RIOK2: variants seen among roughly 807,000 people sequenced by gnomAD.
The protein encoded by RIOK2 is serine/threonine-protein kinase RIO2.
In RIOK2, 46 loss-of-function variants were observed where a neutral mutation model predicts 62.4. The ratio of observed to expected loss-of-function variants is 0.74; its 90% confidence interval spans 0.58 to 0.94. The LOEUF (loss-of-function observed/expected upper bound fraction) is 0.94, where lower values mean the gene tolerates loss of function less well. Ranked by LOEUF, RIOK2 falls within the 40% of genes least tolerant of loss-of-function variation. The pLI is 0.00. For missense variants in RIOK2, 574 were observed against 658.0 expected (o/e 0.87, Z 1.40); for synonymous variants, 197 against 216.0 (o/e 0.91, Z 0.77).
intron 9 of RIOK2, among the ~76,000 whole-genome samples, chr5:97,164,192 A>G (rs1022799512): frequency 6.6e-6 from 1 of 151,848 alleles, no homozygotes; most frequent in Non-Finnish European, 1.5e-5. Context: ...TGCCCGGCCA[A>G]ATTTGTACTT....
chr5:97,163,228 G>T lies in RIOK2; in HGVS notation c.1495-3C>A. Reference sequence around the variant, plus strand: ...TTCACCTTCTGTTTCACCAGTTCCTGGAAAGATTTCATAAATTAGTATTAC... The same window carrying T: ...TTCACCTTCTGTTTCACCAGTTCCTTGAAAGATTTCATAAATTAGTATTAC... On this transcript the variant is annotated splice_region_variant and splice_polypyrimidine_tract_variant and intron_variant, in intron 9 of 9. Transcript: ENST00000283109. 1 of 1,611,714 alleles carries T rather than the reference G, an allele frequency of 6.2e-7. No homozygotes were observed. The highest frequency in any genetic ancestry group is 8.5e-7 in the Non-Finnish European group (1 of 1,179,092).
intron 9 of RIOK2, among the ~76,000 whole-genome samples, chr5:97,163,581 TA>T (rs1305794183): frequency 1.3e-5 from 2 of 152,216 alleles, no homozygotes; most frequent in African/African-American, 4.8e-5. Context: ...AAGCATTCAG[TA>T]TTGCTGAATA....
intron 5 of RIOK2, 43 bp from the exon 6 acceptor site, chr5:97,171,440 T>G: frequency 7.2e-7 from 1 of 1,394,178 alleles, no homozygotes; most frequent in Non-Finnish European, 9.5e-7. Context: ...TTGTGTTCAT[T>G]TACGGTTTTA....
intron 1 of RIOK2, among the ~76,000 whole-genome samples, chr5:97,180,128 A>G (rs2548409): frequency 0.45 from 24,566 of 54,048 alleles, 4,002 homozygotes; most frequent in Middle Eastern, 0.58. Flanking sequence ...GTGTATATGT[A>G]TATATATATA....
intron 8 of RIOK2, among the ~76,000 whole-genome samples, chr5:97,165,834 A>G (rs1235962526): frequency 2.0e-5 from 3 of 152,274 alleles, no homozygotes; most frequent in East Asian, 3.9e-4. Context: ...GGTTAATTTT[A>G]TATGTTAACT....
At chr5:97,167,402 A>C in intron 8 of RIOK2, 65 bp downstream of exon 8, 6 of 1,548,602 alleles carry the variant, frequency 3.9e-6, no homozygotes, top group Non-Finnish European at 5.2e-6. Context: ...ACATTCTTTT[A>C]CTAGAATCTA....
At chr5:97,177,962 A>C (rs1749216866) in intron 2 of RIOK2, 114 bp from the exon 3 acceptor site, 1 of 668,636 alleles carries the variant, frequency 1.5e-6, no homozygotes. Flanking sequence ...GAAAAAGATA[A>C]ACTGCCCAGG....
At position 97,162,213 on chromosome 5, in the gene RIOK2, T is replaced by C. The variant is rs1748722361; in HGVS notation, c.*848A>G. 1 of 152,150 alleles carries C rather than the reference T, an allele frequency of 6.6e-6. No homozygotes were observed. Among genetic ancestry groups the C allele is most frequent in the South Asian group, 2.1e-4 (1 of 4,834 alleles). 9.4% of individuals were successfully genotyped at this position (152,150 alleles called of 1,614,324 possible). A position where few individuals can be genotyped will look rare whatever the true frequency, so the allele number is the denominator to read the frequency against. ...TTATGCGGCAATGAAGAGACAATAATCAGGTGCATACACTTAAGCACTCAT... is the reference window on the plus strand; with the variant it reads ...TTATGCGGCAATGAAGAGACAATAACCAGGTGCATACACTTAAGCACTCAT... On this transcript the variant is annotated 3_prime_UTR_variant, in exon 10 of 10. Transcript: ENST00000283109.
At position 97,177,111 on chromosome 5, in the gene RIOK2, A is replaced by C. The variant is rs1323469823; in HGVS notation, c.498+5T>G. The C allele has an allele frequency of 1.0e-5, 16 of 1,605,950 alleles. No homozygotes were observed. Among genetic ancestry groups the C allele is most frequent in the African/African-American group, 1.3e-5 (1 of 74,762 alleles). On this transcript the variant is annotated splice_donor_5th_base_variant and intron_variant, in intron 4 of 9. Coordinates refer to ENST00000283109, the MANE Select transcript of RIOK2 (RefSeq NM_018343.3). ...AAATGCATGACTACAAAATAAAATA[A>C]ATACCTTCATATAGGCAAATTCCTT... is the stretch of plus-strand genomic sequence containing the variant.
Position 97,161,707 on chromosome 5 carries a change from T to C in RIOK2, c.*1354A>G, listed in dbSNP as rs1021163851. 2.0e-5 allele frequency: 3 copies of C among 152,206 alleles called. No individual in the cohort carries two copies. The highest frequency in any genetic ancestry group is 2.0e-4 in the Admixed American group (3 of 15,278). 9.4% of individuals were successfully genotyped at this position (152,206 alleles called of 1,614,324 possible). Reference sequence around the variant, plus strand: ...GTCAACTGAGTCAACTAGGTAAAGCTGAGCAGGATAAGGCTTTATTCCCAA... The same window carrying C: ...GTCAACTGAGTCAACTAGGTAAAGCCGAGCAGGATAAGGCTTTATTCCCAA... On this transcript the variant is annotated 3_prime_UTR_variant, in exon 10 of 10. Coordinates refer to ENST00000283109, the MANE Select transcript of RIOK2 (RefSeq NM_018343.3).
rs986347419 is a variant in RIOK2, at chr5:97,167,699, G to A, written c.1165C>T (p.Arg389Trp). ...TTGAATTCAGTCATTTCAAAACTCC[G>A]TGCATCAGCACTCTCTTCTGATAAA... is the stretch of plus-strand genomic sequence containing the variant. ...DSLSEESADA[R>W]SFEMTEFNQA... The change falls in exon 8 of 10, where the codon CGG becomes TGG. Residue 389 changes from arginine (R) to tryptophan (W), a missense_variant. Coordinates refer to ENST00000283109, the MANE Select transcript of RIOK2 (RefSeq NM_018343.3). The A allele has an allele frequency of 3.7e-6, 6 of 1,614,012 alleles. No individual in the cohort carries two copies. The highest frequency in any genetic ancestry group is 1.6e-4 in the Middle Eastern group (1 of 6,084).
In RIOK2 at chr5:97,183,192, G is replaced by T; in HGVS notation, c.-1C>A. ...ACTTGGCCACATTCACTTTCCCCATGGCGGCCCCAGTCCGAACCCAGATGC... is the reference window on the plus strand; with the variant it reads ...ACTTGGCCACATTCACTTTCCCCATTGCGGCCCCAGTCCGAACCCAGATGC... On this transcript the variant is annotated 5_prime_UTR_variant, in exon 1 of 10. Coordinates refer to ENST00000283109, the MANE Select transcript of RIOK2 (RefSeq NM_018343.3). 6.2e-7 allele frequency: 1 copy of T among 1,614,142 alleles called. No individual in the cohort carries two copies. The highest frequency in any genetic ancestry group is 1.1e-5 in the South Asian group (1 of 91,084).
rs189040343 is a variant in RIOK2 at position 97,162,940 on chromosome 5, T to A, written c.*121A>T. ...CATACTGAATGACCAAATTTATAGA[T>A]GAAAGAGGGTTTATTTATTAATATA... On this transcript the variant is annotated 3_prime_UTR_variant, in exon 10 of 10. Transcript: ENST00000283109. The A allele has an allele frequency of 3.8e-4, 314 of 819,770 alleles. No homozygotes were observed. The highest frequency in any genetic ancestry group is 1.7e-4 in the Non-Finnish European group (94 of 543,098). The allele number at this position is 819,770 out of a possible 1,614,324, so 50.8% of individuals were successfully genotyped here.
intron 9 of RIOK2, among the ~76,000 whole-genome samples, chr5:97,164,661 C>G (rs1171808083): frequency 2.0e-5 from 3 of 152,192 alleles, no homozygotes; most frequent in African/African-American, 7.2e-5. Context: ...AAGAATGACT[C>G]ATCCACCTCA....
intron 1 of RIOK2, among the ~76,000 whole-genome samples, chr5:97,179,845 GAGAAATACCTAATGT>G (rs1749288230): frequency 7.0e-6 from 1 of 143,832 alleles, no homozygotes; most frequent in African/African-American, 2.6e-5. Flanking sequence ...ATAGCATTAG[GAGAAATACCTAATGT>G]AGATGGGATG....
intron 5 of RIOK2, among the ~76,000 whole-genome samples, chr5:97,171,679 C>A (rs191482878): frequency 6.6e-6 from 1 of 152,180 alleles, no homozygotes; most frequent in Non-Finnish European, 1.5e-5. Context: ...CTCTCTCATA[C>A]CATTTCAAAC....
intron 6 of RIOK2, among the ~76,000 whole-genome samples, chr5:97,169,114 G>C (rs1748926143): frequency 6.6e-6 from 1 of 152,264 alleles, no homozygotes; most frequent in Non-Finnish European, 1.5e-5. Flanking sequence ...ATAGTTACTG[G>C]TATATAGTTA....
At chr5:97,174,886 A>G (rs574405305) in intron 4 of RIOK2, among the ~76,000 whole-genome samples, 12 of 152,136 alleles carry the variant, frequency 7.9e-5, no homozygotes, top group African/African-American at 2.9e-4. Flanking sequence ...CAGCCTGGGC[A>G]ACACAGCAAG....
At chr5:97,168,655 G>T (rs771868027) in intron 7 of RIOK2, 105 bp downstream of exon 7, 2 of 635,828 alleles carry the variant, frequency 3.1e-6, no homozygotes, top group Non-Finnish European at 5.3e-6. Flanking sequence ...CAGTGATTAC[G>T]TGTCAAAATT....
Sources: gnomAD v4.1 joint callset for allele counts (sites outside exome capture counted in the v4.1 genomes callset) on GRCh38, gnomAD v4.1.1 for gene constraint, MANE v1.5 for transcripts, NCBI Gene and HGNC (gene_info 2026-07-23, HGNC 2026-07-21) for gene names.